CDH23: variants seen among roughly 807,000 people sequenced by gnomAD.
CDH23 encodes cadherin-23.
In CDH23, 189 loss-of-function variants were observed where a neutral mutation model predicts 317.1. The ratio of observed to expected loss-of-function variants is 0.60; its 90% CI spans 0.53 to 0.67. CDH23 has a LOEUF of 0.67. CDH23 is among the 30% of genes least tolerant of loss of function. The pLI is 0.00. For missense variants in CDH23, 4,401 were observed against 4,592.4 expected (o/e 0.96, Z 1.20); for synonymous variants, 1,839 against 1,876.8 (o/e 0.98, Z 0.52).
intron 2 of CDH23, among the ~76,000 whole-genome samples, chr10:71,443,177 C>T (rs1043688648): frequency 8.5e-5 from 13 of 152,318 alleles, no homozygotes; most frequent in Non-Finnish European, 1.3e-4. Flanking sequence ...CCTGGGGAGG[C>T]GACCGGGGCT....
chr10:71,796,878 A>G (rs1841418166), intron 48 of CDH23: 1 of 467,748 alleles, frequency 2.1e-6, no homozygotes, highest in African/African-American at 2.0e-5. Context: ...GAGAGGTGAC[A>G]TAACTTCCCC....
intron 14 of CDH23, among the ~76,000 whole-genome samples, chr10:71,648,884 G>A (rs1345806438): frequency 1.3e-5 from 2 of 152,076 alleles, no homozygotes; most frequent in African/African-American, 4.8e-5. Context: ...TGAAAGGTGA[G>A]GGCCCATTTC....
intron 28 of CDH23, chr10:71,719,775 G>A (rs1178789421): frequency 2.6e-5 from 4 of 152,568 alleles, no homozygotes; most frequent in Non-Finnish European, 5.9e-5. Context: ...CTGGCCAGCA[G>A]AGTGGCCTCC....
chr10:71,412,100 T>C (rs910072945), intron 1 of CDH23, among the ~76,000 whole-genome samples: 2 of 152,238 alleles, frequency 1.3e-5, no homozygotes, highest in Non-Finnish European at 2.9e-5. Flanking sequence ...CTTAGCATAA[T>C]GTTTTCAAGA....
At chr10:71,666,768 ACCGGGTT>A (rs1460346199) in intron 14 of CDH23, among the ~76,000 whole-genome samples, 3 of 152,134 alleles carry the variant, frequency 2.0e-5, no homozygotes, top group Non-Finnish European at 4.4e-5. Flanking sequence ...CCTCTGGGCT[ACCGGGTT>A]CCTGCAGCAG....
intron 8 of CDH23, among the ~76,000 whole-genome samples, chr10:71,576,513 C>A (rs1858211919): frequency 6.6e-6 from 1 of 152,104 alleles, no homozygotes; most frequent in African/African-American, 2.4e-5. Context: ...GGTGGGGGTG[C>A]AGCTCGGGCT....
chr10:71,543,675 G>A (rs996464279), intron 6 of CDH23, among the ~76,000 whole-genome samples: 5 of 152,266 alleles, frequency 3.3e-5, no homozygotes, highest in African/African-American at 1.2e-4. Context: ...CCATTTGACA[G>A]ATGGGAAACT....
At chr10:71,401,622 G>A (rs1847785633) in intron 1 of CDH23, among the ~76,000 whole-genome samples, 1 of 152,332 alleles carries the variant, frequency 6.6e-6, no homozygotes, top group East Asian at 1.9e-4. Context: ...TGCCTAGAGA[G>A]GTGAGGATGC....
intron 9 of CDH23, among the ~76,000 whole-genome samples, chr10:71,604,476 G>A (rs566691945): frequency 2.0e-5 from 3 of 152,210 alleles, no homozygotes; most frequent in East Asian, 3.9e-4. Context: ...CCCAGTCCAT[G>A]CCCTCGTCAC....
chr10:71,778,353 G>A lies in CDH23; in HGVS notation c.5187+45G>A, dbSNP rs775451935. ...CCCCAACTTGGGCTTGGAGGTTGGC[G>A]AAGGATGGGACCCAGAAAGCTCCGA... On this transcript the variant is annotated intron_variant, in intron 40 of 69. Coordinates refer to ENST00000224721, the MANE Select transcript of CDH23 (RefSeq NM_022124.6). 28 of 1,610,842 alleles carry A rather than the reference G, an allele frequency of 1.7e-5. No homozygotes were observed. In the East Asian group the frequency reaches 3.1e-4, roughly 18 times the overall value.
rs201297042 is a variant in CDH23 at position 71,677,536 on chromosome 10, C to T, written c.1595C>T (p.Thr532Met). ...GAGCTCATCCAGCGCTTCACCCTGACGATCATTGCCCGGGACGGGGGCGGC... is the reference window on the plus strand; with the variant it reads ...GAGCTCATCCAGCGCTTCACCCTGATGATCATTGCCCGGGACGGGGGCGGC... ...DYELIQRFTL[T>M]IIARDGGGEE... Residue 532 changes from threonine to methionine, a missense_variant, in exon 16 of 70, where the codon ACG (threonine) becomes ATG (methionine). By Grantham distance (81) the Thr-to-Met change is moderately conservative. Transcript: ENST00000224721. 776 of 1,612,136 alleles carry T rather than the reference C, an allele frequency of 4.8e-4. 3 individuals are homozygous for T. The highest frequency in any genetic ancestry group is 2.5e-3 in the South Asian group (230 of 90,342).
At chr10:71,691,202 T>TTTC (rs1392521037) in intron 20 of CDH23, among the ~76,000 whole-genome samples, 2 of 152,222 alleles carry the variant, frequency 1.3e-5, no homozygotes, top group African/African-American at 2.4e-5. Context: ...ATTCCTCAGT[T>TTTC]TTCTCTCTTC....
At chr10:71,618,613 G>A (rs901642576) in intron 11 of CDH23, among the ~76,000 whole-genome samples, 7 of 152,286 alleles carry the variant, frequency 4.6e-5, no homozygotes, top group East Asian at 1.9e-4. Context: ...GGGCTGCCGC[G>A]GTGGCCTTGC....
chr10:71,521,286 G>A (rs373197246), intron 6 of CDH23, among the ~76,000 whole-genome samples: 10 of 152,078 alleles, frequency 6.6e-5, no homozygotes, highest in South Asian at 6.2e-4. Flanking sequence ...CCGGAGAGTC[G>A]TGGGCTCAGG....
At chr10:71,787,835 G>A (rs1841145404) in intron 44 of CDH23, among the ~76,000 whole-genome samples, 1 of 152,224 alleles carries the variant, frequency 6.6e-6, no homozygotes, top group African/African-American at 2.4e-5. Context: ...TGTGAATAGT[G>A]TGGCGATAAA....
chr10:71,596,913 G>A (rs532091430), intron 9 of CDH23, among the ~76,000 whole-genome samples: 7 of 151,970 alleles, frequency 4.6e-5, no homozygotes, highest in East Asian at 1.9e-4. Flanking sequence ...CCCGCTGCCC[G>A]GCACTCCCTT....
intron 9 of CDH23, among the ~76,000 whole-genome samples, chr10:71,610,753 C>T (rs1293174434): frequency 6.7e-6 from 1 of 150,032 alleles, no homozygotes; most frequent in Non-Finnish European, 1.5e-5. Context: ...TTCATTCCTC[C>T]CAGCCTCTCT....
intron 6 of CDH23, among the ~76,000 whole-genome samples, chr10:71,532,727 G>GTTTTTTTTTTT (rs200038577): frequency 6.4e-5 from 6 of 93,954 alleles, no homozygotes; most frequent in Admixed American, 1.3e-4. Flanking sequence ...TTTTTTTTTT[G>GTTTTTTTTTTT]TTTTTTTTTT....
intron 1 of CDH23, among the ~76,000 whole-genome samples, chr10:71,438,347 CAAA>C (rs10596696): frequency 9.4e-4 from 92 of 98,344 alleles, no homozygotes; most frequent in South Asian, 2.9e-3. Context: ...CTGTCTCAAA[CAAA>C]AAAAAAAAAA....
Sources: allele counts gnomAD v4.1 joint callset (sites outside exome capture counted in the v4.1 genomes callset), GRCh38; gene constraint gnomAD v4.1.1; transcripts MANE v1.5; gene names NCBI Gene and HGNC (gene_info 2026-07-23, HGNC 2026-07-21).